The following UGT2A2 variants were observed in gnomAD, a reference collection of about 807,000 sequenced individuals.
UGT2A2 encodes the protein UDP-glucuronosyltransferase 2A2.
A neutral mutation model predicts 50.7 loss-of-function variants in UGT2A2; 60 were observed. The ratio of observed to expected loss-of-function variants is 1.18; its 90% CI spans 0.96 to 1.47. The LOEUF is 1.47. Ranked by LOEUF, UGT2A2 falls within the 40% of genes most tolerant of loss-of-function variation. The pLI is 0.00. For missense variants in UGT2A2, 762 were observed against 634.0 expected, an observed-to-expected ratio of 1.20 and a Z score of -2.17; for synonymous variants, 242 against 214.6, an observed-to-expected ratio of 1.13 and a Z score of -1.11.
rs939855817 is a variant in UGT2A2 at position 69,630,257 on chromosome 4, G to A, written c.742+8642C>T. Among the ~76,000 whole-genome samples the A allele has an allele frequency of 5.9e-5, 9 of 151,840 alleles. No individual in the cohort carries two copies. The East Asian group carries it at 1.2e-3, about 20-fold the overall frequency. Reference sequence around the variant, plus strand: ...TGGCTACGATTCATTTTTTTCTCCTGCAATTTTTGACGTAGTTGGAGTGAG... The same window carrying A: ...TGGCTACGATTCATTTTTTTCTCCTACAATTTTTGACGTAGTTGGAGTGAG... On this transcript the variant is annotated intron_variant, in intron 1 of 5. Transcript: ENST00000604629.
At chr4:69,619,945 T>C (rs6855271) in intron 1 of UGT2A2, among the ~76,000 whole-genome samples, 41,454 of 151,728 alleles carry the variant, frequency 0.27, 5,890 homozygotes, top group South Asian at 0.32. Flanking sequence ...GATACCTTTA[T>C]GCAAAAACTC....
intron 1 of UGT2A2, among the ~76,000 whole-genome samples, chr4:69,637,308 T>G (rs894067490): frequency 2.6e-5 from 4 of 152,136 alleles, no homozygotes; most frequent in Admixed American, 2.6e-4. Flanking sequence ...TTAATATCTT[T>G]CCTCTAGACA....
chr4:69,604,314 A>T lies in UGT2A2; in HGVS notation c.743-4920T>A, dbSNP rs1719471608. 4.0e-5 allele frequency among the ~76,000 whole-genome samples: 5 copies of T among 125,888 alleles called. 1 individual carries two copies. The South Asian group carries it at 1.3e-3, about 33-fold the overall frequency. 82.6% of individuals were successfully genotyped at this position (125,888 alleles called of 152,430 possible). The stretch of plus-strand genomic sequence containing the variant: ...AACCCAGAATTTCATATCTAGCCAA[A>T]CTAAGCTTCATAAGAGGAGAAGGAG... On this transcript the variant is annotated intron_variant, in intron 1 of 5. Transcript: ENST00000604629.
In UGT2A2 at chr4:69,589,329, T is replaced by C. The variant is rs1329123855; in HGVS notation, c.*43A>G. 1.3e-6 allele frequency: 2 copies of C among 1,531,274 alleles called. No homozygotes were observed. The highest frequency in any genetic ancestry group is 1.4e-5 in the African/African-American group (1 of 72,162). 94.9% of individuals were successfully genotyped at this position (1,531,274 alleles called of 1,614,324 possible). The stretch of plus-strand genomic sequence containing the variant: ...TTAATAGGACTACACTACTCAGGAT[T>C]TTGCCAAACTTAAAAATATATATAT... On this transcript the variant is annotated 3_prime_UTR_variant, in exon 6 of 6. Coordinates refer to ENST00000604629, the MANE Select transcript of UGT2A2 (RefSeq NM_001105677.2).
chr4:69,622,286 A>G (rs1031315050), intron 1 of UGT2A2, among the ~76,000 whole-genome samples: 3 of 151,896 alleles, frequency 2.0e-5, no homozygotes, highest in African/African-American at 7.2e-5. Context: ...AATATAATGT[A>G]TAACACCACA....
chr4:69,634,749 G>A (rs1369637037), intron 1 of UGT2A2, among the ~76,000 whole-genome samples: 1 of 151,952 alleles, frequency 6.6e-6, no homozygotes, highest in Non-Finnish European at 1.5e-5. Flanking sequence ...GAATTAAAAA[G>A]AAAAAGGGAG....
At position 69,603,941 on chromosome 4, in the gene UGT2A2, T is replaced by C. The variant is rs986440371; in HGVS notation, c.743-4547A>G. Among the ~76,000 whole-genome samples the C allele has an allele frequency of 5.1e-5, 7 of 136,708 alleles. 1 individual carries two copies. Among genetic ancestry groups the C allele is most frequent in the East Asian group, 4.1e-4 (2 of 4,826 alleles). 89.7% of individuals were successfully genotyped at this position (136,708 alleles called of 152,430 possible). A position where few individuals can be genotyped will look rare whatever the true frequency, so the allele number is the denominator to read the frequency against. On this transcript the variant is annotated intron_variant, in intron 1 of 5. Transcript: ENST00000604629. ...GTGAAAAGACCAAATCTACGTCTGA[T>C]TGGTGTACCTGAAAGTGATGGGGAG...
At chr4:69,614,711 C>G (rs1720270435) in intron 1 of UGT2A2, among the ~76,000 whole-genome samples, 1 of 152,020 alleles carries the variant, frequency 6.6e-6, no homozygotes, top group Admixed American at 6.6e-5. Flanking sequence ...CAAATACATA[C>G]ATTGGGAAAG....
chr4:69,615,156 C>T (rs1720300210), intron 1 of UGT2A2, among the ~76,000 whole-genome samples: 2 of 151,936 alleles, frequency 1.3e-5, no homozygotes, highest in South Asian at 4.2e-4. Context: ...AGGAGACAAA[C>T]CATATCAATC....
rs181744898 is a variant in UGT2A2, at chr4:69,604,022, G to A, written c.743-4628C>T. Among the ~76,000 whole-genome samples the A allele has an allele frequency of 1.8e-4, 24 of 136,746 alleles. 4 individuals carry two copies. In the East Asian group the frequency reaches 4.9e-3, roughly 28 times the overall value. The allele number at this position is 136,746 out of a possible 152,430, so 89.7% of individuals were successfully genotyped here. ...GATATTATCCAGTAGAACCTCCCCAGTCTAGCAAGGAAGGCCAACGTTCAA... is the reference window on the plus strand; with the variant it reads ...GATATTATCCAGTAGAACCTCCCCAATCTAGCAAGGAAGGCCAACGTTCAA... On this transcript the variant is annotated intron_variant, in intron 1 of 5. Transcript: ENST00000604629.
chr4:69,623,057 C>T (rs753614074), intron 1 of UGT2A2, among the ~76,000 whole-genome samples: 6 of 151,754 alleles, frequency 4.0e-5, no homozygotes, highest in East Asian at 1.9e-4. Flanking sequence ...AAATTTTCTA[C>T]CTTCTGTTAC....
intron 1 of UGT2A2, among the ~76,000 whole-genome samples, chr4:69,629,294 G>C (rs1423692278): frequency 6.6e-6 from 1 of 151,974 alleles, no homozygotes; most frequent in Non-Finnish European, 1.5e-5. Context: ...ACTGCAAAGT[G>C]TTTACTTTGC....
At chr4:69,597,511 G>T (rs1718999769) in intron 2 of UGT2A2, among the ~76,000 whole-genome samples, 1 of 152,066 alleles carries the variant, frequency 6.6e-6, no homozygotes, top group African/African-American at 2.4e-5. Context: ...TGCATTCCCT[G>T]TGCAAATATT....
In UGT2A2 at chr4:69,588,641, CAT is replaced by C. The variant is rs1289212129; in HGVS notation, c.*729_*730del. ...TGATCTGTTCACCTTCAACATATAACATAGAACTTTCTCCTTGAAATAAAAGA... is the reference window on the plus strand; with the variant it reads ...TGATCTGTTCACCTTCAACATATAACAGAACTTTCTCCTTGAAATAAAAGA... On this transcript the variant is annotated 3_prime_UTR_variant, in exon 6 of 6. Coordinates refer to ENST00000604629, the MANE Select transcript of UGT2A2 (RefSeq NM_001105677.2). The C allele has an allele frequency of 6.6e-6, 1 of 151,872 alleles. No homozygotes were observed. The highest frequency in any genetic ancestry group is 1.5e-5 in the Non-Finnish European group (1 of 67,944). The allele number at this position is 151,872 out of a possible 1,614,324, so 9.4% of individuals were successfully genotyped here. A position where few individuals can be genotyped will look rare whatever the true frequency, so the allele number is the denominator to read the frequency against.
rs768323627 is a variant in UGT2A2, at chr4:69,596,294, T to C, written c.979A>G (p.Lys327Glu). Residue 327 changes from lysine to glutamate, a missense_variant, in exon 3 of 6, where the codon AAG (lysine) becomes GAG (glutamate). Physicochemically the swap from Lys to Glu is moderately conservative, Grantham distance 56 (BLOSUM62 1). Transcript: ENST00000604629. ...AGGGCTGAGGCAATAAGATTGGCCT[T>C]TTCTTCTGTAAGGTTTTTGACCATT... ...GSMVKNLTEEKANLIASALAQ... is the reference protein window; with the variant it reads ...GSMVKNLTEEEANLIASALAQ... 5 of 1,607,702 alleles carry C rather than the reference T, an allele frequency of 3.1e-6. No homozygotes were observed. The South Asian group carries it at 4.4e-5, about 14-fold the overall frequency.
intron 1 of UGT2A2, among the ~76,000 whole-genome samples, chr4:69,615,674 C>T (rs148663900): frequency 9.4e-4 from 143 of 151,854 alleles, no homozygotes; most frequent in Middle Eastern, 3.4e-3. Flanking sequence ...ATCATCTGAG[C>T]CCAGTTCAAA....
chr4:69,602,220 A>AACT, intron 1 of UGT2A2, among the ~76,000 whole-genome samples: 1 of 126,542 alleles, frequency 7.9e-6, no homozygotes, highest in Non-Finnish European at 1.7e-5. Context: ...CAATAAAAAC[A>AACT]GTTGTTCATA....
chr4:69,636,373 G>C (rs547643512), intron 1 of UGT2A2, among the ~76,000 whole-genome samples: 1 of 152,022 alleles, frequency 6.6e-6, no homozygotes, highest in Non-Finnish European at 1.5e-5. Context: ...ATACAAAATG[G>C]GGTTTTACCA....
chr4:69,633,839 A>T (rs1721520089), intron 1 of UGT2A2, among the ~76,000 whole-genome samples: 1 of 152,136 alleles, frequency 6.6e-6, no homozygotes, highest in African/African-American at 2.4e-5. Flanking sequence ...TATGGATTGC[A>T]TTCATGTTTT....
Sources: gnomAD v4.1 joint callset for allele counts (sites outside exome capture counted in the v4.1 genomes callset) on GRCh38, gnomAD v4.1.1 for gene constraint, MANE v1.5 for transcripts, NCBI Gene and HGNC (gene_info 2026-07-23, HGNC 2026-07-21) for gene names.